Variants in ZNF519 observed in about 807,000 individuals in gnomAD.
The protein encoded by ZNF519 is similar to Zinc finger protein 85 (Zinc finger protein HPF4) (HTF1).
A neutral mutation model predicts 7.4 loss-of-function variants in ZNF519; 7 were observed. The observed-to-expected ratio is 0.94, with a 90% CI of 0.54 to 1.77. The LOEUF (loss-of-function observed/expected upper bound fraction) is 1.77, where lower values mean the gene tolerates loss of function less well. Ranked by LOEUF, ZNF519 falls within the 40% of genes most tolerant of loss-of-function variation. The probability of loss-of-function intolerance (pLI) is 0.00; values close to 1 mark genes in which losing one functional copy is unlikely to be tolerated. For missense variants in ZNF519, 586 were observed against 623.1 expected (o/e 0.94, Z 0.63); for synonymous variants, 179 against 203.3 (o/e 0.88, Z 1.02).
chr18:14,072,479 T>C (rs1447495976), downstream of ZNF519: 2 of 152,152 alleles, frequency 1.3e-5, no homozygotes, highest in Admixed American at 6.6e-5. Context: ...TTCCTACATA[T>C]GTAATGTACT....
intron 1 of ZNF519, among the ~76,000 whole-genome samples, chr18:14,126,913 T>C (rs1409656245): frequency 2.0e-5 from 3 of 152,190 alleles, no homozygotes; most frequent in African/African-American, 2.4e-5. Context: ...CCAGTGACTA[T>C]GGGCTGACGC....
chr18:14,124,520 G>C (rs750530064), intron 1 of ZNF519, 44 bp from the exon 2 acceptor site: 1 of 1,588,868 alleles, frequency 6.3e-7, no homozygotes. Context: ...AATTTGACTA[G>C]AGATGAAATG....
intron 2 of ZNF519, among the ~76,000 whole-genome samples, chr18:14,121,521 T>G (rs2046269638): frequency 6.6e-6 from 1 of 152,150 alleles, no homozygotes; most frequent in African/African-American, 2.4e-5. Context: ...AGTCATAGAG[T>G]AAGTCCTCAC....
At position 14,087,650 on chromosome 18, in the gene ZNF519, T is replaced by C. The variant is rs2046096948; in HGVS notation, c.131-2574A>G. Among the ~76,000 whole-genome samples, 3 of 152,184 alleles carry C rather than the reference T, an allele frequency of 2.0e-5. No individual in the cohort carries two copies. The South Asian group carries it at 6.2e-4, about 31-fold the overall frequency. On this transcript the variant is annotated intron_variant and NMD_transcript_variant, in intron 2 of 4. Coordinates refer to the ZNF519 transcript ENST00000587419. ...AAAGGAGAAGAAAGGGATGGGTCAT[T>C]TGTTTTCTCATTTGCAACATGATCA...
chr18:14,074,934 A>G (rs1433377113), downstream of ZNF519: 2 of 152,176 alleles, frequency 1.3e-5, no homozygotes, highest in African/African-American at 4.8e-5. Flanking sequence ...AGACATACCC[A>G]AGACTGGGAA....
intron 2 of ZNF519, among the ~76,000 whole-genome samples, chr18:14,123,630 T>TG (rs2046280878): frequency 6.6e-6 from 1 of 151,934 alleles, no homozygotes; most frequent in South Asian, 2.1e-4. Context: ...GAGGCAGAAG[T>TG]GCTTGAACCC....
At chr18:14,106,622 A>C (rs1287118487) in intron 2 of ZNF519, among the ~76,000 whole-genome samples, 1 of 152,104 alleles carries the variant, frequency 6.6e-6, no homozygotes, top group Non-Finnish European at 1.5e-5. Flanking sequence ...TTAAAAAAGA[A>C]AAAGAAAAAG....
rs2046155634 is a variant in ZNF519 at position 14,100,516 on chromosome 18, T to C, written c.*4401A>G. Reference sequence around the variant, plus strand: ...ATAACAAAAGGAACAAACTAAAACATAAACCAATTTAGATGAATCTCCAAG... The same window carrying C: ...ATAACAAAAGGAACAAACTAAAACACAAACCAATTTAGATGAATCTCCAAG... On this transcript the variant is annotated 3_prime_UTR_variant, in exon 3 of 3. Coordinates refer to ENST00000590202, the MANE Select transcript of ZNF519 (RefSeq NM_145287.4). 6.6e-6 allele frequency: 1 copy of C among 152,064 alleles called. No individual in the cohort carries two copies. The highest frequency in any genetic ancestry group is 1.5e-5 in the Non-Finnish European group (1 of 67,982). The allele number at this position is 152,064 out of a possible 1,614,324, so 9.4% of individuals were successfully genotyped here.
downstream of ZNF519, among the ~76,000 whole-genome samples, chr18:14,096,988 T>A (rs1298892855): frequency 6.6e-6 from 1 of 152,168 alleles, no homozygotes; most frequent in Non-Finnish European, 1.5e-5. Context: ...TTTCTCCAAC[T>A]CTTTCTCTGC....
In ZNF519 at chr18:14,105,020, T is replaced by C. The variant is rs148035089; in HGVS notation, c.1520A>G (p.Gln507Arg). 1.6e-4 allele frequency: 249 copies of C among 1,604,224 alleles called. No individual in the cohort carries two copies. Among genetic ancestry groups the C allele is most frequent in the Admixed American group, 3.1e-4 (18 of 58,872 alleles). The part of the protein sequence containing the change: ...FTRSSHLTQH[Q>R]RIHTGEKPFK... ...AGGTTTCTCTCCAGTATGAATTCTC[T>C]GATGTTGAGTAAGGTGTGAGCTCCT... The change falls in exon 3 of 3, where the codon CAG (glutamine) becomes CGG (arginine). Residue 507 changes from glutamine to arginine, a missense_variant. Physicochemically the swap from Gln to Arg is conservative, Grantham distance 43. Transcript: ENST00000590202.
chr18:14,104,930 A>C lies in ZNF519; in HGVS notation c.1610T>G (p.Ile537Ser), dbSNP rs2046180044. Residue 537 changes from isoleucine to serine, a missense_variant, in exon 3 of 3, where the codon ATT becomes AGT. Coordinates refer to ENST00000590202, the MANE Select transcript of ZNF519 (RefSeq NM_145287.4). ...CTTGCAGGGTTTCTACCTGGTATGA[A>C]TTATTTGATGTTGAGTAAGGGTTGA... is the stretch of plus-strand genomic sequence containing the variant. ...RRSTLTQHQI[I>S]HTR 1 of 1,549,770 alleles carries C rather than the reference A, an allele frequency of 6.5e-7. No homozygotes were observed.
intron 2 of ZNF519, among the ~76,000 whole-genome samples, chr18:14,115,896 G>C (rs2046243840): frequency 6.6e-6 from 1 of 152,216 alleles, no homozygotes; most frequent in African/African-American, 2.4e-5. Flanking sequence ...CAGGGGCTAA[G>C]TGGAGAAAAT....
Position 14,101,602 on chromosome 18 carries a change from T to A in ZNF519, c.*3315A>T. The stretch of plus-strand genomic sequence containing the variant: ...CACAAAGTCCTGTGAGTCATCAAGG[T>A]GGAGTCCTGGCAGAAGGCCTTCTCA... On this transcript the variant is annotated 3_prime_UTR_variant, in exon 3 of 3. Coordinates refer to ENST00000590202, the MANE Select transcript of ZNF519 (RefSeq NM_145287.4). 1 of 398,370 alleles carries A rather than the reference T, an allele frequency of 2.5e-6. No homozygotes were observed. Among genetic ancestry groups the A allele is most frequent in the African/African-American group, 2.1e-5 (1 of 48,678 alleles). 24.7% of individuals were successfully genotyped at this position (398,370 alleles called of 1,614,324 possible). A position where few individuals can be genotyped will look rare whatever the true frequency, so the allele number is the denominator to read the frequency against.
chr18:14,083,921 C>T (rs1182714470), intron 3 of ZNF519, among the ~76,000 whole-genome samples: 1 of 152,124 alleles, frequency 6.6e-6, no homozygotes, highest in South Asian at 2.1e-4. Flanking sequence ...CTAAACAATC[C>T]CTGCTGTCCT....
At chr18:14,081,182 T>C (rs567100681) in intron 3 of ZNF519, among the ~76,000 whole-genome samples, 2 of 152,320 alleles carry the variant, frequency 1.3e-5, no homozygotes, top group South Asian at 4.1e-4. Context: ...TGTATCAATA[T>C]AGACTCATCA....
chr18:14,118,278 T>G (rs1439752876), intron 2 of ZNF519, among the ~76,000 whole-genome samples: 1 of 152,134 alleles, frequency 6.6e-6, no homozygotes, highest in East Asian at 1.9e-4. Context: ...CAGGATGGTC[T>G]CAATCTCCTG....
At chr18:14,116,073 C>T (rs925320467) in intron 2 of ZNF519, among the ~76,000 whole-genome samples, 2 of 152,164 alleles carry the variant, frequency 1.3e-5, no homozygotes, top group Non-Finnish European at 2.9e-5. Context: ...GCCTAGTACA[C>T]ACTAAAGATT....
At chr18:14,078,357 A>C (rs2046056879) in intron 3 of ZNF519, 1 of 152,160 alleles carries the variant, frequency 6.6e-6, no homozygotes, top group African/African-American at 2.4e-5. Flanking sequence ...TAACATGTAC[A>C]TGTACATTAT....
intron 2 of ZNF519, chr18:14,123,082 C>T (rs966686489): frequency 5.3e-6 from 1 of 188,792 alleles, no homozygotes; most frequent in Admixed American, 5.6e-5. Flanking sequence ...GTCCCCTTGC[C>T]TGTGTCATCT....
Sources: allele counts gnomAD v4.1 joint callset (sites outside exome capture counted in the v4.1 genomes callset), GRCh38; gene constraint gnomAD v4.1.1; transcripts MANE v1.5; gene names NCBI Gene and HGNC (gene_info 2026-07-23, HGNC 2026-07-21).